Variants in GBE1 observed in about 807,000 individuals in gnomAD.
GBE1 encodes the protein 1,4-alpha-glucan branching enzyme 1.
Under a neutral mutation model 88.8 loss-of-function variants are expected in GBE1, and 70 were observed. The ratio of observed to expected loss-of-function variants is 0.79; its 90% CI spans 0.65 to 0.96. GBE1 has a LOEUF of 0.96. GBE1 is among the 40% of genes least tolerant of loss of function. The pLI is 0.00. For missense variants in GBE1, 872 were observed against 871.0 expected (o/e 1.00, Z -0.01); for synonymous variants, 284 against 300.1 (o/e 0.95, Z 0.56).
At position 81,593,972 on chromosome 3, in the gene GBE1, T is replaced by C. The variant is rs1482348006; in HGVS notation, c.1044A>G (p.Glu348=). ...LLSNIRWWLE[E]YRFDGFRFDG... is the part of the protein sequence containing the mutation. ...CAAAACGAAATCCATCAAAGCGATATTCTTCCAACCACCATCTTATGTTTG... is the reference window on the plus strand; with the variant it reads ...CAAAACGAAATCCATCAAAGCGATACTCTTCCAACCACCATCTTATGTTTG... The change falls in exon 8 of 16, where the codon GAA becomes GAG. Residue 348 remains glutamate (E), a synonymous_variant. Transcript: ENST00000429644. The C allele has an allele frequency of 1.9e-6, 3 of 1,586,258 alleles. No homozygotes were observed. The highest frequency in any genetic ancestry group is 4.5e-5 in the East Asian group (2 of 43,966).
intron 13 of GBE1, among the ~76,000 whole-genome samples, 171 bp downstream of exon 13, chr3:81,536,740 T>C (rs1428517723): frequency 2.6e-5 from 4 of 152,012 alleles, no homozygotes; most frequent in Non-Finnish European, 5.9e-5. Flanking sequence ...TCATTATCAA[T>C]TGAAGAGACT....
At chr3:81,541,701 G>A (rs570315242) in intron 12 of GBE1, among the ~76,000 whole-genome samples, 1 of 152,006 alleles carries the variant, frequency 6.6e-6, no homozygotes. Flanking sequence ...CCAGTGCCTC[G>A]ATCTAGGACT....
chr3:81,604,087 G>A (rs2106974508), intron 7 of GBE1, among the ~76,000 whole-genome samples: 1 of 152,122 alleles, frequency 6.6e-6, no homozygotes, highest in African/African-American at 2.4e-5. Flanking sequence ...CCATGTGAGA[G>A]ACAATAAGAG....
At chr3:81,653,460 T>C (rs1452714322) in intron 3 of GBE1, among the ~76,000 whole-genome samples, 1 of 151,828 alleles carries the variant, frequency 6.6e-6, no homozygotes, top group Non-Finnish European at 1.5e-5. Flanking sequence ...CACTCCAGCC[T>C]GGACAACAGA....
chr3:81,756,205 T>C (rs893344967), intron 1 of GBE1, among the ~76,000 whole-genome samples: 1 of 152,186 alleles, frequency 6.6e-6, no homozygotes, highest in Non-Finnish European at 1.5e-5. Context: ...AGTATCTAAT[T>C]AAGAAGCTAT....
chr3:81,600,332 C>T (rs763901574), intron 7 of GBE1, among the ~76,000 whole-genome samples: 4 of 152,036 alleles, frequency 2.6e-5, no homozygotes, highest in African/African-American at 4.8e-5. Context: ...TGAAAAAATA[C>T]ACCCCTCGAT....
At chr3:81,687,671 CTA>C (rs1417685036) in intron 2 of GBE1, among the ~76,000 whole-genome samples, 1 of 152,080 alleles carries the variant, frequency 6.6e-6, no homozygotes, top group Admixed American at 6.5e-5. Context: ...GTTCACATCT[CTA>C]TGTGATTTTC....
chr3:81,705,635 A>G, intron 1 of GBE1, 22 bp from the exon 2 acceptor site: 1 of 1,467,426 alleles, frequency 6.8e-7, no homozygotes, highest in Non-Finnish European at 9.1e-7. Context: ...TATGAAAGAA[A>G]ATGAGTTAGA....
chr3:81,707,884 C>T (rs1307160528), intron 1 of GBE1, among the ~76,000 whole-genome samples: 1 of 151,878 alleles, frequency 6.6e-6, no homozygotes, highest in East Asian at 1.9e-4. Context: ...CTTTAACCTG[C>T]TATCTAAAGA....
intron 2 of GBE1, among the ~76,000 whole-genome samples, chr3:81,702,407 C>T (rs577205423): frequency 6.6e-6 from 1 of 151,944 alleles, no homozygotes; most frequent in African/African-American, 2.4e-5. Context: ...ACTTTGAGAT[C>T]CTATAACTTT....
At position 81,525,122 on chromosome 3, in the gene GBE1, A is replaced by C. The variant is rs144092702; in HGVS notation, c.1934+10073T>G. On this transcript the variant is annotated intron_variant, in intron 14 of 15. Coordinates refer to ENST00000429644, the MANE Select transcript of GBE1 (RefSeq NM_000158.4). ...TTTTATTCCATTTTGGTCAGAGAAG[A>C]TGCTTGATATTATTTCAATATTTTT... Among the ~76,000 whole-genome samples the C allele has an allele frequency of 4.2e-3, 642 of 151,944 alleles. 13 individuals carry two copies. Among genetic ancestry groups the C allele is most frequent in the East Asian group, 2.7e-3 (14 of 5,140 alleles).
chr3:81,590,989 ACT>A (rs1703869766), intron 9 of GBE1, 46 bp downstream of exon 9: 1 of 1,507,956 alleles, frequency 6.6e-7, no homozygotes, highest in African/African-American at 1.4e-5. Flanking sequence ...CTGACAAAAT[ACT>A]CTCTATTAAA....
chr3:81,519,682 T>C (rs1034353879), intron 14 of GBE1, among the ~76,000 whole-genome samples: 5 of 151,282 alleles, frequency 3.3e-5, no homozygotes, highest in South Asian at 4.2e-4. Context: ...ATTCATATTC[T>C]ACTCTAGAAT....
intron 7 of GBE1, among the ~76,000 whole-genome samples, chr3:81,601,168 A>T (rs1704028287): frequency 6.6e-6 from 1 of 152,122 alleles, no homozygotes; most frequent in African/African-American, 2.4e-5. Flanking sequence ...AAGAAAAAGG[A>T]ATTCAAAGTC....
chr3:81,545,425 C>T (rs1026184454), intron 12 of GBE1, among the ~76,000 whole-genome samples: 1 of 152,028 alleles, frequency 6.6e-6, no homozygotes, highest in Non-Finnish European at 1.5e-5. Context: ...AACATAATTT[C>T]TCTGGAGGTA....
chr3:81,702,589 T>C (rs909299095), intron 2 of GBE1, among the ~76,000 whole-genome samples: 1 of 152,084 alleles, frequency 6.6e-6, no homozygotes, highest in Non-Finnish European at 1.5e-5. Flanking sequence ...CTGCTTTTCA[T>C]GCCCTTAGTT....
intron 1 of GBE1, among the ~76,000 whole-genome samples, chr3:81,743,165 A>G (rs1475559270): frequency 6.6e-6 from 1 of 152,164 alleles, no homozygotes; most frequent in East Asian, 1.9e-4. Context: ...AGCACGTACT[A>G]AACAGCATAG....
At position 81,593,918 on chromosome 3, in the gene GBE1, G is replaced by C; in HGVS notation, c.1098C>G (p.His366Gln). Residue 366 changes from histidine (H) to glutamine (Q), a missense_variant, in exon 8 of 16, where the codon CAC (histidine) becomes CAG (glutamine). Coordinates refer to ENST00000429644, the MANE Select transcript of GBE1 (RefSeq NM_000158.4). ...TATCAGGTTACCTACCCACTCCATG[G>C]TGATGATAAAGCATGGACGTAACAC... ...FDGVTSMLYH[H>Q]HGVGQGFSGD... 6.5e-7 allele frequency: 1 copy of C among 1,539,884 alleles called. No individual in the cohort carries two copies. Among genetic ancestry groups the C allele is most frequent in the Non-Finnish European group, 8.8e-7 (1 of 1,130,068 alleles).
At chr3:81,505,644 G>T (rs1438966466) in intron 14 of GBE1, among the ~76,000 whole-genome samples, 1 of 152,062 alleles carries the variant, frequency 6.6e-6, no homozygotes, top group Non-Finnish European at 1.5e-5. Context: ...TCTTTCTCTA[G>T]TCTCTTTCCA....
Sources: allele counts gnomAD v4.1 joint callset (sites outside exome capture counted in the v4.1 genomes callset), GRCh38; gene constraint gnomAD v4.1.1; transcripts MANE v1.5; gene names NCBI Gene and HGNC (gene_info 2026-07-23, HGNC 2026-07-21).